The following DLC1 variants were observed in gnomAD, a reference collection of about 807,000 sequenced individuals.
DLC1 encodes DLC1 Rho GTPase activating protein, also known as rho GTPase-activating protein 7.
In DLC1, 54 loss-of-function variants were observed where a neutral mutation model predicts 140.3. That is an observed-to-expected ratio of 0.38 (90% CI 0.31 to 0.48). The LOEUF is 0.48. DLC1 is among the 20% of genes least tolerant of loss of function. The pLI is 0.96. For synonymous variants in DLC1, 986 were observed against 728.1 expected (o/e 1.35, Z -5.70); for missense variants, 2,536 against 1,907.0 (o/e 1.33, Z -6.14).
chr8:13,493,128 C>A, intron 2 of DLC1, among the ~76,000 whole-genome samples: 1 of 152,126 alleles, frequency 6.6e-6, no homozygotes. Flanking sequence ...AGTGTCAAAA[C>A]AAGGGGATTT....
Position 13,100,167 on chromosome 8 carries a change from T to G in DLC1, c.2170A>C (p.Ile724Leu). The change falls in exon 9 of 18, where the codon ATC (isoleucine) becomes CTC (leucine). Residue 724 changes from isoleucine to leucine, a missense_variant. Coordinates refer to ENST00000276297, the MANE Select transcript of DLC1 (RefSeq NM_182643.3). ...VEISALNGNRINVPMVRKRSV... is the reference protein window; with the variant it reads ...VEISALNGNRLNVPMVRKRSV... ...CTCTTTCGTACCATGGGGACGTTGA[T>G]GCGGTTGCCATTGAGGGCGGAGATC... 1 of 1,614,160 alleles carries G rather than the reference T, an allele frequency of 6.2e-7. No homozygotes were observed. Among genetic ancestry groups the G allele is most frequent in the Non-Finnish European group, 8.5e-7 (1 of 1,180,028 alleles).
At chr8:13,239,154 C>A (rs1015849510) in intron 5 of DLC1, among the ~76,000 whole-genome samples, 1 of 152,128 alleles carries the variant, frequency 6.6e-6, no homozygotes, top group Non-Finnish European at 1.5e-5. Context: ...CTACGAAGAA[C>A]AACTGGCAAT....
chr8:13,258,898 G>A (rs1830366620), intron 5 of DLC1, among the ~76,000 whole-genome samples: 1 of 152,090 alleles, frequency 6.6e-6, no homozygotes, highest in Non-Finnish European at 1.5e-5. Flanking sequence ...AGCACTTTGG[G>A]AGGCCGAGGC....
intron 4 of DLC1, among the ~76,000 whole-genome samples, chr8:13,319,084 G>C (rs1832980240): frequency 6.6e-6 from 1 of 152,026 alleles, no homozygotes; most frequent in Admixed American, 6.6e-5. Context: ...GATGCTAACG[G>C]GTCTATTTAT....
chr8:13,523,455 A>G (rs565129698), intron 1 of DLC1, among the ~76,000 whole-genome samples: 66 of 152,338 alleles, frequency 4.3e-4, no homozygotes, highest in African/African-American at 1.4e-3. Context: ...TGAGATGTCT[A>G]TTAGAAATTT....
chr8:13,115,702 G>GC (rs1820498231), intron 5 of DLC1, 45 bp from the exon 6 acceptor site: 1 of 1,572,576 alleles, frequency 6.4e-7, no homozygotes, highest in African/African-American at 1.4e-5. Flanking sequence ...TGTGTACCTC[G>GC]CCATGCTTAT....
chr8:13,233,101 C>T, intron 5 of DLC1, among the ~76,000 whole-genome samples: 1 of 151,882 alleles, frequency 6.6e-6, no homozygotes, highest in East Asian at 1.9e-4. Context: ...TTGAGACCAG[C>T]CTGGCCAACA....
At position 13,183,792 on chromosome 8, in the gene DLC1, C is replaced by T. The variant is rs903419635; in HGVS notation, c.1349-68135G>A. On this transcript the variant is annotated intron_variant, in intron 5 of 17. Coordinates refer to ENST00000276297, the MANE Select transcript of DLC1 (RefSeq NM_182643.3). ...CTAAAATTCTCTTTTTTTGTTGTGT[C>T]TCTGCCAGGCTTTGCTATCAGGATG... 8.5e-5 allele frequency among the ~76,000 whole-genome samples: 13 copies of T among 152,214 alleles called. No homozygotes were observed. The East Asian group carries it at 2.3e-3, about 27-fold the overall frequency.
At chr8:13,233,185 C>G (rs1041877447) in intron 5 of DLC1, among the ~76,000 whole-genome samples, 1 of 150,108 alleles carries the variant, frequency 6.7e-6, no homozygotes, top group Non-Finnish European at 1.5e-5. Context: ...ATCCTAGCTA[C>G]TCAAGAGGCT....
intron 4 of DLC1, among the ~76,000 whole-genome samples, chr8:13,318,381 ATTC>A (rs1426293408): frequency 6.6e-6 from 1 of 152,154 alleles, no homozygotes; most frequent in African/African-American, 2.4e-5. Context: ...TTACTATATT[ATTC>A]TATGTATGAG....
chr8:13,458,030 A>T (rs1799490712), intron 2 of DLC1, among the ~76,000 whole-genome samples: 1 of 152,196 alleles, frequency 6.6e-6, no homozygotes. Context: ...TAAATTAATA[A>T]TTGAAAAACT....
rs141912985 is a variant in DLC1, at chr8:13,142,947, G to T, written c.1349-27290C>A. Among the ~76,000 whole-genome samples, 1,049 of 152,018 alleles carry T rather than the reference G, an allele frequency of 6.9e-3. 18 individuals carry two copies. Among genetic ancestry groups the T allele is most frequent in the Non-Finnish European group, 8.6e-3 (587 of 67,998 alleles). On this transcript the variant is annotated intron_variant, in intron 5 of 17. Coordinates refer to ENST00000276297, the MANE Select transcript of DLC1 (RefSeq NM_182643.3). ...TCCTGTAATCCCAGCTACTTTGGAG[G>T]CTGAGGCAGGAGAATCACTTGAACA... is the stretch of plus-strand genomic sequence containing the variant.
At chr8:13,206,637 AC>A (rs1258161725) in intron 5 of DLC1, among the ~76,000 whole-genome samples, 1 of 152,190 alleles carries the variant, frequency 6.6e-6, no homozygotes, top group Admixed American at 6.6e-5. Flanking sequence ...AAATTAATAA[AC>A]GAGCTATTTT....
chr8:13,294,300 A>G (rs1831867475), intron 5 of DLC1, among the ~76,000 whole-genome samples: 1 of 152,226 alleles, frequency 6.6e-6, no homozygotes, highest in Non-Finnish European at 1.5e-5. Flanking sequence ...ACTGTGCTAC[A>G]TCATGTTTTA....
chr8:13,195,593 A>G (rs1301099662), intron 5 of DLC1, among the ~76,000 whole-genome samples: 1 of 152,232 alleles, frequency 6.6e-6, no homozygotes, highest in African/African-American at 2.4e-5. Flanking sequence ...TTCTGTGAAG[A>G]AGGAGAACTA....
At chr8:13,391,238 A>C (rs536467982) in intron 4 of DLC1, among the ~76,000 whole-genome samples, 1 of 152,252 alleles carries the variant, frequency 6.6e-6, no homozygotes, top group African/African-American at 2.4e-5. Flanking sequence ...GGTGGTGTTG[A>C]AGAGGAATAC....
At chr8:13,259,285 T>C (rs537012705) in intron 5 of DLC1, among the ~76,000 whole-genome samples, 1 of 152,106 alleles carries the variant, frequency 6.6e-6, no homozygotes, top group African/African-American at 2.4e-5. Context: ...CAATAAATTA[T>C]AAATGCAAAA....
intron 5 of DLC1, among the ~76,000 whole-genome samples, chr8:13,261,604 C>A (rs79672682): frequency 6.6e-6 from 1 of 152,016 alleles, no homozygotes; most frequent in Non-Finnish European, 1.5e-5. Flanking sequence ...AACACAGGTG[C>A]GAGGCAACCG....
chr8:13,539,643 C>T (rs1267311251), intron 1 of DLC1, among the ~76,000 whole-genome samples: 2 of 151,916 alleles, frequency 1.3e-5, no homozygotes, highest in Non-Finnish European at 2.9e-5. Flanking sequence ...CAGGAGTTGC[C>T]CAGGGAAAGT....
Sources: allele counts gnomAD v4.1 joint callset (sites outside exome capture counted in the v4.1 genomes callset), GRCh38; gene constraint gnomAD v4.1.1; transcripts MANE v1.5; gene names NCBI Gene and HGNC (gene_info 2026-07-23, HGNC 2026-07-21).